Variants in RANBP2 observed in about 807,000 individuals in gnomAD.
RANBP2 encodes the protein E3 SUMO-protein ligase RanBP2.
Under a neutral mutation model 303.6 loss-of-function variants are expected in RANBP2, and 57 were observed. The ratio of observed to expected loss-of-function variants is 0.19; its 90% CI spans 0.15 to 0.23. The LOEUF (loss-of-function observed/expected upper bound fraction) is 0.23. Ranked by LOEUF, RANBP2 falls within the 10% of genes least tolerant of loss-of-function variation. The probability of loss-of-function intolerance (pLI) is 1.00; values close to 1 mark genes in which losing one functional copy is unlikely to be tolerated. For missense variants in RANBP2, 3,138 were observed against 3,780.8 expected, an observed-to-expected ratio of 0.83 and a Z score of 4.46; for synonymous variants, 1,167 against 1,301.5, an observed-to-expected ratio of 0.90 and a Z score of 2.23.
At chr2:109,055,552 C>CTTTTTT in the RANBP2 span, among the ~76,000 whole-genome samples, 2 of 151,226 alleles carry the variant, frequency 1.3e-5, no homozygotes, top group African/African-American at 4.9e-5. Flanking sequence ...CTTTTCTTTT[C>CTTTTTT]TTTTTTGTAT....
chr2:109,096,902 G>A, the RANBP2 span, among the ~76,000 whole-genome samples: 2 of 151,090 alleles, frequency 1.3e-5, no homozygotes, highest in East Asian at 3.9e-4. Context: ...GAAACTGGAT[G>A]ACTCTGCACG....
chr2:109,431,707 AC>A, the RANBP2 span, among the ~76,000 whole-genome samples: 3 of 152,290 alleles, frequency 2.0e-5, no homozygotes, highest in East Asian at 5.8e-4. Context: ...CCCCATCTTT[AC>A]AAAAAATAAA....
the RANBP2 span, among the ~76,000 whole-genome samples, chr2:109,417,902 T>A: frequency 6.6e-6 from 1 of 151,956 alleles, no homozygotes; most frequent in African/African-American, 2.4e-5. Context: ...GGTCAGTGAG[T>A]AATGAGAAAG....
chr2:108,873,108 A>C, the RANBP2 span, among the ~76,000 whole-genome samples: 1 of 152,100 alleles, frequency 6.6e-6, no homozygotes, highest in African/African-American at 2.4e-5. Context: ...ACTTAAGCAG[A>C]ATTTCTTGTT....
chr2:108,743,837 CTT>C (rs1696303706), intron 7 of RANBP2, among the ~76,000 whole-genome samples: 1 of 152,186 alleles, frequency 6.6e-6, no homozygotes, highest in East Asian at 1.9e-4. Context: ...CTACTTCAGT[CTT>C]TATTAACTAC....
the RANBP2 span, among the ~76,000 whole-genome samples, chr2:109,534,288 G>A: frequency 1.3e-5 from 2 of 152,166 alleles, no homozygotes; most frequent in Non-Finnish European, 2.9e-5. Context: ...CTCTGCCACT[G>A]CCGTCTCAAG....
the RANBP2 span, among the ~76,000 whole-genome samples, chr2:109,661,357 C>T: frequency 1.3e-5 from 2 of 151,876 alleles, no homozygotes; most frequent in African/African-American, 4.8e-5. Context: ...AGCGATTCTC[C>T]TGCCTCAGCC....
At chr2:109,011,540 T>C in the RANBP2 span, among the ~76,000 whole-genome samples, 1 of 152,208 alleles carries the variant, frequency 6.6e-6, no homozygotes, top group Non-Finnish European at 1.5e-5. Context: ...GGTTCAACTT[T>C]CACCCATTGT....
the RANBP2 span, among the ~76,000 whole-genome samples, chr2:109,146,571 C>T: frequency 2.0e-5 from 3 of 152,226 alleles, no homozygotes; most frequent in East Asian, 5.8e-4. Context: ...TCTGAATGCA[C>T]GCTCTCCCCA....
chr2:108,896,354 T>G, the RANBP2 span: 1 of 154,180 alleles, frequency 6.5e-6, no homozygotes, highest in African/African-American at 2.4e-5. Context: ...TGCCATTTTA[T>G]CAAAATGTTT....
At chr2:108,822,974 C>CA in the RANBP2 span, among the ~76,000 whole-genome samples, 1 of 152,082 alleles carries the variant, frequency 6.6e-6, no homozygotes, top group African/African-American at 2.4e-5. Flanking sequence ...ATCTTGCAAG[C>CA]AATGCCACAG....
the RANBP2 span, among the ~76,000 whole-genome samples, chr2:109,480,150 C>A: frequency 3.3e-5 from 5 of 152,172 alleles, no homozygotes; most frequent in African/African-American, 1.2e-4. Flanking sequence ...GCATATCAAC[C>A]ACATTAAGAC....
the RANBP2 span, among the ~76,000 whole-genome samples, chr2:109,100,964 A>G: frequency 6.6e-6 from 1 of 152,216 alleles, no homozygotes; most frequent in African/African-American, 2.4e-5. Flanking sequence ...ACAAAAATCC[A>G]ATGGTGCAAT....
chr2:108,922,684 G>T, the RANBP2 span, among the ~76,000 whole-genome samples: 1 of 152,074 alleles, frequency 6.6e-6, no homozygotes. Context: ...GAGCCAGAGG[G>T]TGGCAAGTGC....
chr2:109,559,492 C>T, the RANBP2 span, among the ~76,000 whole-genome samples: 1 of 152,182 alleles, frequency 6.6e-6, no homozygotes, highest in African/African-American at 2.4e-5. Flanking sequence ...TCTAATTTCC[C>T]CTTCTTTGTG....
chr2:109,163,282 A>C, the RANBP2 span, among the ~76,000 whole-genome samples: 1 of 152,084 alleles, frequency 6.6e-6, no homozygotes, highest in African/African-American at 2.4e-5. Flanking sequence ...TTCTTCTCTA[A>C]TGAAACAGGT....
At chr2:109,354,916 C>A in the RANBP2 span, among the ~76,000 whole-genome samples, 1 of 152,152 alleles carries the variant, frequency 6.6e-6, no homozygotes, top group African/African-American at 2.4e-5. Flanking sequence ...GTAGTATTTA[C>A]GAAGCTTAGG....
At chr2:109,260,626 C>G in the RANBP2 span, among the ~76,000 whole-genome samples, 1 of 152,070 alleles carries the variant, frequency 6.6e-6, no homozygotes, top group Non-Finnish European at 1.5e-5. Context: ...GTGAGGTGGC[C>G]CATGGCTGAG....
At chr2:109,421,439 T>A in the RANBP2 span, among the ~76,000 whole-genome samples, 1 of 152,196 alleles carries the variant, frequency 6.6e-6, no homozygotes, top group African/African-American at 2.4e-5. Flanking sequence ...CAAGAAGGCT[T>A]CTCTGTCCTG....
Sources: gnomAD v4.1 joint callset for allele counts (sites outside exome capture counted in the v4.1 genomes callset) on GRCh38, gnomAD v4.1.1 for gene constraint, MANE v1.5 for transcripts, NCBI Gene and HGNC (gene_info 2026-07-23, HGNC 2026-07-21) for gene names.